The following TMEFF2 variants were observed in gnomAD, a reference collection of about 807,000 sequenced individuals.
TMEFF2 encodes the protein transmembrane protein with EGF like and two follistatin like domains 2.
Under a neutral mutation model 53.8 loss-of-function variants are expected in TMEFF2, and 28 were observed. That is an observed-to-expected ratio of 0.52 (90% CI 0.39 to 0.71). TMEFF2 has a LOEUF of 0.71. Ranked by LOEUF, TMEFF2 falls within the 30% of genes least tolerant of loss-of-function variation. The probability of loss-of-function intolerance (pLI) is 0.00; values close to 1 mark genes in which losing one functional copy is unlikely to be tolerated. For synonymous variants in TMEFF2, 162 were observed against 166.3 expected (o/e 0.97, Z 0.20); for missense variants, 353 against 455.2 (o/e 0.78, Z 2.04).
intron 4 of TMEFF2, among the ~76,000 whole-genome samples, chr2:192,081,595 T>C (rs1393357866): frequency 6.6e-6 from 1 of 152,130 alleles, no homozygotes; most frequent in Non-Finnish European, 1.5e-5. Flanking sequence ...TGAGGGATGA[T>C]ACAAAACTGA....
At chr2:192,007,804 G>A (rs1438944978) in intron 5 of TMEFF2, among the ~76,000 whole-genome samples, 2 of 152,128 alleles carry the variant, frequency 1.3e-5, no homozygotes, top group Non-Finnish European at 2.9e-5. Context: ...ATAGAGACAA[G>A]GAAGGAAAGC....
At chr2:191,985,852 C>T (rs139259161) in intron 7 of TMEFF2, among the ~76,000 whole-genome samples, 1 of 152,236 alleles carries the variant, frequency 6.6e-6, no homozygotes, top group East Asian at 1.9e-4. Context: ...TAAGACAGCA[C>T]ACCAATACAA....
intron 7 of TMEFF2, among the ~76,000 whole-genome samples, chr2:191,969,977 T>C (rs565624360): frequency 6.6e-6 from 1 of 152,302 alleles, no homozygotes; most frequent in East Asian, 1.9e-4. Flanking sequence ...CCAAAGCCAG[T>C]ATAAGCCCTG....
At chr2:192,157,066 A>G (rs1690522941) in intron 4 of TMEFF2, among the ~76,000 whole-genome samples, 1 of 151,986 alleles carries the variant, frequency 6.6e-6, no homozygotes, top group Admixed American at 6.6e-5. Flanking sequence ...TTCCCTGGCA[A>G]CCTCCAGAAT....
At position 191,956,279 on chromosome 2, in the gene TMEFF2, A is replaced by G. The variant is rs757280794; in HGVS notation, c.845T>C (p.Ile282Thr). The G allele has an allele frequency of 6.2e-7, 1 of 1,613,638 alleles. No homozygotes were observed. The highest frequency in any genetic ancestry group is 8.5e-7 in the Non-Finnish European group (1 of 1,179,794). Residue 282 changes from isoleucine to threonine, a missense_variant, in exon 8 of 10, where the codon ATC becomes ACC. Physicochemically the swap from Ile to Thr is moderately conservative, Grantham distance 89. This residue lies in a region of TMEFF2 where 294 missense variants were observed against 397.3 expected (regional missense o/e 0.74). Transcript: ENST00000272771. ...FCMHGKCEHS[I>T]NMQEPSCRCD... ...CCTGCAAGATGGCTCCTGCATATTG[A>G]TAGAATGCTCACACTTCCCATGCAT...
At chr2:192,179,587 C>T in intron 4 of TMEFF2, 81 bp downstream of exon 4, 1 of 1,411,594 alleles carries the variant, frequency 7.1e-7, no homozygotes, top group South Asian at 1.5e-5. Flanking sequence ...TCTTAAATAT[C>T]TGAAATGGAA....
chr2:192,032,896 G>T (rs1687177660), intron 5 of TMEFF2, among the ~76,000 whole-genome samples: 1 of 151,974 alleles, frequency 6.6e-6, no homozygotes, highest in South Asian at 2.1e-4. Context: ...TAAACCTGTT[G>T]TTTTTTTCTC....
chr2:192,018,086 GA>G (rs1356419093), intron 5 of TMEFF2, among the ~76,000 whole-genome samples: 1 of 152,184 alleles, frequency 6.6e-6, no homozygotes, highest in Non-Finnish European at 1.5e-5. Flanking sequence ...CAAGAGATTG[GA>G]GGGGAGGGGG....
intron 9 of TMEFF2, 40 bp downstream of exon 9, chr2:191,953,639 T>A: frequency 6.2e-7 from 1 of 1,602,878 alleles, no homozygotes; most frequent in African/African-American, 1.3e-5. Context: ...AGTAACAATA[T>A]ATCCCTTTAT....
chr2:192,162,807 A>G (rs1690667110), intron 4 of TMEFF2, among the ~76,000 whole-genome samples: 1 of 152,230 alleles, frequency 6.6e-6, no homozygotes, highest in African/African-American at 2.4e-5. Context: ...TCTCTGTGAA[A>G]GAAAAATGCA....
chr2:191,979,201 G>T (rs1263327585), intron 7 of TMEFF2, among the ~76,000 whole-genome samples: 1 of 152,106 alleles, frequency 6.6e-6, no homozygotes, highest in African/African-American at 2.4e-5. Context: ...TAACCTTTAG[G>T]ACCCCACCTG....
At chr2:191,986,905 T>C (rs1008740135) in intron 7 of TMEFF2, among the ~76,000 whole-genome samples, 1 of 146,762 alleles carries the variant, frequency 6.8e-6, no homozygotes, top group Non-Finnish European at 1.5e-5. Flanking sequence ...CAAGATGAAA[T>C]GACTGAGCTG....
At chr2:192,079,827 C>T (rs992583704) in intron 4 of TMEFF2, among the ~76,000 whole-genome samples, 2 of 151,848 alleles carry the variant, frequency 1.3e-5, no homozygotes, top group Non-Finnish European at 2.9e-5. Flanking sequence ...ATTTATATAT[C>T]GTGTTGTGTA....
chr2:192,151,585 G>A (rs947462995), intron 4 of TMEFF2, among the ~76,000 whole-genome samples: 6 of 151,872 alleles, frequency 4.0e-5, no homozygotes, highest in Non-Finnish European at 5.9e-5. Context: ...ACTATCAAGA[G>A]CGTGATGGTT....
At chr2:191,959,509 A>G (rs1311748216) in intron 7 of TMEFF2, among the ~76,000 whole-genome samples, 1 of 152,164 alleles carries the variant, frequency 6.6e-6, no homozygotes. Flanking sequence ...AGAGACAGAG[A>G]ATGGCAAATG....
At chr2:192,171,170 C>G (rs1690904029) in intron 4 of TMEFF2, among the ~76,000 whole-genome samples, 1 of 151,838 alleles carries the variant, frequency 6.6e-6, no homozygotes, top group Non-Finnish European at 1.5e-5. Flanking sequence ...TATAAAAATA[C>G]CTTATGAGGA....
chr2:192,148,678 C>T (rs76641199), intron 4 of TMEFF2, among the ~76,000 whole-genome samples: 1,992 of 152,070 alleles, frequency 0.013, 43 homozygotes, highest in African/African-American at 0.042. Flanking sequence ...TGTTTTGTTC[C>T]AAGGCATTAC....
At chr2:192,035,742 CAACTT>C (rs1553515518) in intron 5 of TMEFF2, among the ~76,000 whole-genome samples, 5 of 152,196 alleles carry the variant, frequency 3.3e-5, no homozygotes, top group Non-Finnish European at 7.3e-5. Context: ...CTGCATCACA[CAACTT>C]AACCTTTAAT....
At chr2:192,071,076 A>C (rs1286113103) in intron 4 of TMEFF2, among the ~76,000 whole-genome samples, 1 of 151,844 alleles carries the variant, frequency 6.6e-6, no homozygotes, top group African/African-American at 2.4e-5. Context: ...AGGAGGCCAA[A>C]TTAGGAGGCT....
Sources: allele counts gnomAD v4.1 joint callset (sites outside exome capture counted in the v4.1 genomes callset), GRCh38; gene constraint gnomAD v4.1.1; regional missense constraint gnomAD v4.1.1; transcripts MANE v1.5; gene names NCBI Gene and HGNC (gene_info 2026-07-23, HGNC 2026-07-21).